SBNO1: variants seen among roughly 807,000 people sequenced by gnomAD.
The protein encoded by SBNO1 is protein strawberry notch homolog 1.
SBNO1 carries 23 observed loss-of-function variants against 173.6 expected under a neutral mutation model. That is an observed-to-expected ratio of 0.13 (90% CI 0.10 to 0.19). SBNO1 has a LOEUF of 0.19. SBNO1 is among the 10% of genes least tolerant of loss of function. The pLI is 1.00. For synonymous variants in SBNO1, 632 were observed against 571.5 expected (o/e 1.11, Z -1.51); for missense variants, 1,238 against 1,671.2 (o/e 0.74, Z 4.52).
In SBNO1 at chr12:123,292,951, G is replaced by A. The variant is rs2048533803; in HGVS notation, c.*2957C>T. On this transcript the variant is annotated 3_prime_UTR_variant, in exon 32 of 32. Coordinates refer to ENST00000602398, the MANE Select transcript of SBNO1 (RefSeq NM_001167856.3). The stretch of plus-strand genomic sequence containing the variant: ...ACTACAGACAGAGACCTTGTGGTAT[G>A]GAGGTTGCTAAATGAGGGGAACACT... 6.6e-6 allele frequency: 1 copy of A among 152,182 alleles called. No homozygotes were observed. Among genetic ancestry groups the A allele is most frequent in the Admixed American group, 6.5e-5 (1 of 15,278 alleles). The allele number at this position is 152,182 out of a possible 1,614,324, so 9.4% of individuals were successfully genotyped here.
Position 123,292,874 on chromosome 12 carries a change from T to A in SBNO1, c.*3034A>T, listed in dbSNP as rs575510465. 1.3e-5 allele frequency: 2 copies of A among 152,202 alleles called. No individual in the cohort carries two copies. Among genetic ancestry groups the A allele is most frequent in the African/African-American group, 2.4e-5 (1 of 41,430 alleles). 9.4% of individuals were successfully genotyped at this position (152,202 alleles called of 1,614,324 possible). A position where few individuals can be genotyped will look rare whatever the true frequency, so the allele number is the denominator to read the frequency against. On this transcript the variant is annotated 3_prime_UTR_variant, in exon 32 of 32. Transcript: ENST00000602398. ...TCAAGTTGTGTTTAAAGAAATGCAT[T>A]AATACTCCTATGAATTTGTATCATT...
chr12:123,327,686 A>G, intron 12 of SBNO1, 21 bp downstream of exon 12: 1 of 1,592,474 alleles, frequency 6.3e-7, no homozygotes, highest in Non-Finnish European at 8.6e-7. Context: ...TGAGAAGAGT[A>G]TATACCGTAA....
chr12:123,310,383 G>A (rs4759421), intron 25 of SBNO1, among the ~76,000 whole-genome samples: 7,250 of 151,978 alleles, frequency 0.048, 303 homozygotes, highest in East Asian at 0.25. Flanking sequence ...ACAGGCGCCC[G>A]CCACTATGCC....
intron 3 of SBNO1, among the ~76,000 whole-genome samples, chr12:123,347,153 C>T (rs555439746): frequency 1.3e-5 from 2 of 151,364 alleles, no homozygotes; most frequent in South Asian, 2.1e-4. Context: ...ATTGGGAAAG[C>T]GGCAAAAAGC....
At chr12:123,322,717 C>A (rs1390708619) in intron 16 of SBNO1, among the ~76,000 whole-genome samples, 1 of 151,566 alleles carries the variant, frequency 6.6e-6, no homozygotes, top group Non-Finnish European at 1.5e-5. Context: ...ACCAGCCTGG[C>A]CAACATGGTG....
At position 123,295,835 on chromosome 12, in the gene SBNO1, G is replaced by A. The variant is rs890677891; in HGVS notation, c.*73C>T. 3 of 1,554,220 alleles carry A rather than the reference G, an allele frequency of 1.9e-6. No individual in the cohort carries two copies. Among genetic ancestry groups the A allele is most frequent in the African/African-American group, 2.7e-5 (2 of 72,892 alleles). ...AAAAATATATAATTCTTTGGAAACT[G>A]TCCCTGATTTTTATGCAAATGATAT... is the stretch of plus-strand genomic sequence containing the variant. On this transcript the variant is annotated 3_prime_UTR_variant, in exon 32 of 32. Transcript: ENST00000602398.
chr12:123,329,021 G>C (rs775325320), intron 9 of SBNO1, 126 bp from the exon 10 acceptor site: 79 of 541,456 alleles, frequency 1.5e-4, no homozygotes, highest in Non-Finnish European at 2.2e-4. Flanking sequence ...AAACATAAAA[G>C]TACAGAGACG....
intron 5 of SBNO1, among the ~76,000 whole-genome samples, chr12:123,339,364 T>A (rs1872261951): frequency 6.6e-6 from 1 of 151,974 alleles, no homozygotes; most frequent in African/African-American, 2.4e-5. Context: ...CCAACCTCTC[T>A]CTTTTGCCTA....
At chr12:123,306,519 C>T (rs2048917667) in intron 28 of SBNO1, among the ~76,000 whole-genome samples, 1 of 152,174 alleles carries the variant, frequency 6.6e-6, no homozygotes, top group Non-Finnish European at 1.5e-5. Context: ...TCATCACAAT[C>T]TACCAACGGT....
At position 123,295,956 on chromosome 12, in the gene SBNO1, T is replaced by C; in HGVS notation, c.4134A>G (p.Leu1378=). 1.9e-6 allele frequency: 3 copies of C among 1,613,284 alleles called. No homozygotes were observed. The highest frequency in any genetic ancestry group is 2.2e-5 in the East Asian group (1 of 44,878). ...TGCTCTGAGGGTGATGCTGTTGCCA[T>C]AGCTGTTTCTGTTGGACCGCAAGCT... ...SQQLAVQQKQ[L]WQQHHPQSIT... Residue 1378 remains leucine, a synonymous_variant, in exon 32 of 32, where the codon CTA becomes CTG. Transcript: ENST00000602398.
At chr12:123,300,024 G>A (rs555124522) in intron 30 of SBNO1, among the ~76,000 whole-genome samples, 3 of 152,202 alleles carry the variant, frequency 2.0e-5, no homozygotes, top group Non-Finnish European at 4.4e-5. Flanking sequence ...GGAGGGGAGC[G>A]AGAGGCTACA....
At position 123,313,731 on chromosome 12, in the gene SBNO1, A is replaced by T. The variant is rs764169909; in HGVS notation, c.3121-12T>A. 4.0e-6 allele frequency: 6 copies of T among 1,514,410 alleles called. No individual in the cohort carries two copies. The highest frequency in any genetic ancestry group is 1.1e-5 in the South Asian group (1 of 88,278). The allele number at this position is 1,514,410 out of a possible 1,614,324, so 93.8% of individuals were successfully genotyped here. On this transcript the variant is annotated splice_polypyrimidine_tract_variant and intron_variant, in intron 23 of 31. Coordinates refer to ENST00000602398, the MANE Select transcript of SBNO1 (RefSeq NM_001167856.3). Reference sequence around the variant, plus strand: ...GCATTTCTTCCATACTGCAAAAAAAAATCAAAACCTTTAACCAGTTTCAGC... The same window carrying T: ...GCATTTCTTCCATACTGCAAAAAAATATCAAAACCTTTAACCAGTTTCAGC...
chr12:123,309,976 G>A, intron 25 of SBNO1, 120 bp from the exon 26 acceptor site: 1 of 742,302 alleles, frequency 1.3e-6, no homozygotes, highest in Non-Finnish European at 2.2e-6. Flanking sequence ...CTCTTACACT[G>A]TCCTCACAAC....
At chr12:123,325,355 T>G (rs2138984076) in intron 15 of SBNO1, 147 bp downstream of exon 15, 1 of 612,246 alleles carries the variant, frequency 1.6e-6, no homozygotes, top group Non-Finnish European at 2.9e-6. Flanking sequence ...GATACACTGT[T>G]ACAGAAAAGC....
rs995384153 is a variant in SBNO1 at position 123,294,238 on chromosome 12, A to G, written c.*1670T>C. On this transcript the variant is annotated 3_prime_UTR_variant, in exon 32 of 32. Coordinates refer to ENST00000602398, the MANE Select transcript of SBNO1 (RefSeq NM_001167856.3). ...AGCTTGACATAACCAAACTCAGGCT[A>G]AAGGAGACACAAGAGGATGAACGCC... 1 of 133,156 alleles carries G rather than the reference A, an allele frequency of 7.5e-6. No individual in the cohort carries two copies. Among genetic ancestry groups the G allele is most frequent in the African/African-American group, 2.4e-5 (1 of 40,934 alleles). The allele number at this position is 133,156 out of a possible 1,614,324, so 8.2% of individuals were successfully genotyped here.
rs951239134 is a variant in SBNO1 at position 123,316,814 on chromosome 12, C to T, written c.2935+407G>A. Among the ~76,000 whole-genome samples the T allele has an allele frequency of 7.2e-5, 11 of 151,746 alleles. No homozygotes were observed. In the South Asian group the frequency reaches 8.3e-4, roughly 11 times the overall value. On this transcript the variant is annotated intron_variant, in intron 21 of 31. Transcript: ENST00000602398. Reference sequence around the variant, plus strand: ...GCCTCCCAGGTTCAAGCAATTCTCCCGTCTCAGCACCCTAAGTAGCTGGGA... The same window carrying T: ...GCCTCCCAGGTTCAAGCAATTCTCCTGTCTCAGCACCCTAAGTAGCTGGGA...
chr12:123,360,382 A>C (rs988277850), intron 1 of SBNO1, among the ~76,000 whole-genome samples: 2 of 152,218 alleles, frequency 1.3e-5, no homozygotes, highest in Non-Finnish European at 2.9e-5. Context: ...GGCAAGTCAC[A>C]AATCGAAGCT....
chr12:123,364,327 G>T (rs938801810), intron 1 of SBNO1: 1 of 984,758 alleles, frequency 1.0e-6, no homozygotes, highest in African/African-American at 1.8e-5. Context: ...GCAGCCCCCG[G>T]GTTGTGAGGC....
Position 123,320,558 on chromosome 12 carries a change from A to G in SBNO1, c.2541T>C (p.Ala847=), listed in dbSNP as rs757618595. ...TCTTCATCTGCTGAGCCCTTTCCAC[A>G]GCATCCTGACTTGTTATAAGGCTAC... ...SNSSLITSQD[A]VERAQQMKKD... is the part of the protein sequence containing the mutation. Residue 847 remains alanine (A), a synonymous_variant, in exon 19 of 32, where the codon GCT becomes GCC. Coordinates refer to ENST00000602398, the MANE Select transcript of SBNO1 (RefSeq NM_001167856.3). 1.9e-6 allele frequency: 3 copies of G among 1,614,046 alleles called. No homozygotes were observed. The African/African-American group carries it at 4.0e-5, about 22-fold the overall frequency.
Sources: allele counts gnomAD v4.1 joint callset (sites outside exome capture counted in the v4.1 genomes callset), GRCh38; gene constraint gnomAD v4.1.1; transcripts MANE v1.5; gene names NCBI Gene and HGNC (gene_info 2026-07-23, HGNC 2026-07-21).